The following AR variants were observed in gnomAD, a reference collection of about 807,000 sequenced individuals.
The protein encoded by AR is androgen receptor.
In AR, 8 loss-of-function variants were observed where a neutral mutation model predicts 53.9. The ratio of observed to expected loss-of-function variants is 0.15; its 90% CI spans 0.09 to 0.27. The LOEUF is 0.27. Among genes scored for constraint, AR ranks in the 10% least tolerant of loss-of-function variants. The probability of loss-of-function intolerance (pLI) is 1.00; values close to 1 mark genes in which losing one functional copy is unlikely to be tolerated. For synonymous variants in AR, 359 were observed against 316.4 expected (o/e 1.13, Z -1.43); for missense variants, 639 against 742.5 (o/e 0.86, Z 1.62).
chrX:67,691,623 A>G (rs1486418564), intron 3 of AR, among the ~76,000 whole-genome samples: 2 of 111,871 alleles, frequency 1.8e-5, no homozygotes, highest in African/African-American at 6.5e-5. Flanking sequence ...AAACATGGGT[A>G]TAGACAAAAA....
At chrX:67,615,168 T>TA (rs925897146) in intron 1 of AR, among the ~76,000 whole-genome samples, 3 of 111,077 alleles carry the variant, frequency 2.7e-5, no homozygotes, top group Admixed American at 9.6e-5. Context: ...GAATATTTTT[T>TA]AAAAAATGGA....
intron 2 of AR, among the ~76,000 whole-genome samples, chrX:67,658,309 A>G (rs1292959081): frequency 8.9e-6 from 1 of 112,256 alleles, no homozygotes; most frequent in Non-Finnish European, 1.9e-5. Flanking sequence ...AAATGAAAGC[A>G]TTGAGTATTT....
At chrX:67,663,716 G>T (rs916413741) in intron 2 of AR, among the ~76,000 whole-genome samples, 15 of 112,320 alleles carry the variant, frequency 1.3e-4, no homozygotes, top group African/African-American at 4.9e-4. Context: ...ATCCTACAGA[G>T]TGTTTTCCAA....
chrX:67,656,838 C>T (rs186691277), intron 2 of AR, among the ~76,000 whole-genome samples: 1 of 109,358 alleles, frequency 9.1e-6, no homozygotes, highest in Admixed American at 9.9e-5. Context: ...TATTGCAGCC[C>T]TTCTGCTTGA....
chrX:67,568,238 G>A (rs942814525), intron 1 of AR, among the ~76,000 whole-genome samples: 2 of 111,850 alleles, frequency 1.8e-5, no homozygotes, highest in African/African-American at 6.5e-5. Flanking sequence ...AGGACTAATT[G>A]TGCTTCTTCG....
At chrX:67,595,714 C>G (rs1016471768) in intron 1 of AR, among the ~76,000 whole-genome samples, 5 of 108,633 alleles carry the variant, frequency 4.6e-5, no homozygotes, top group Non-Finnish European at 9.5e-5. Context: ...CTCAGAAGGC[C>G]GAGTTGGGAG....
chrX:67,683,791 G>A lies in AR; in HGVS notation c.1769-2219G>A, dbSNP rs767281432. Among the ~76,000 whole-genome samples the A allele has an allele frequency of 3.8e-4, 42 of 110,930 alleles. No homozygotes were observed. In the South Asian group the frequency reaches 0.014, roughly 37 times the overall value. ...TGAGTAAATTGTAAAGAATATCTAC[G>A]TTTTAGGTTGCCTTGTTTTAGACCA... On this transcript the variant is annotated intron_variant, in intron 2 of 7. Transcript: ENST00000374690.
At chrX:67,568,247 C>A (rs923511120) in intron 1 of AR, among the ~76,000 whole-genome samples, 1 of 111,660 alleles carries the variant, frequency 9.0e-6, no homozygotes, top group African/African-American at 3.3e-5. Context: ...TGTGCTTCTT[C>A]GCTAGACACG....
rs377558578 is a variant in AR at position 67,722,933 on chromosome X, C to T, written c.2556C>T (p.Ser852=). 3 of 1,209,588 alleles carry T rather than the reference C, an allele frequency of 2.5e-6. No homozygotes were observed. In the African/African-American group the frequency reaches 5.3e-5, roughly 21 times the overall value. ...CATGCAAAAGAAAAAATCCCACATC[C>T]TGCTCAAGACGCTTCTACCAGCTCA... ...IIACKRKNPT[S]CSRRFYQLTK... is the part of the protein sequence containing the mutation. Residue 852 remains serine (S), a synonymous_variant, in exon 7 of 8, where the codon TCC becomes TCT. Coordinates refer to ENST00000374690, the MANE Select transcript of AR (RefSeq NM_000044.6).
At chrX:67,628,255 C>A (rs1018167059) in intron 1 of AR, among the ~76,000 whole-genome samples, 1 of 106,645 alleles carries the variant, frequency 9.4e-6, no homozygotes, top group Non-Finnish European at 1.9e-5. Context: ...GATATTGATT[C>A]TTCCTACCCA....
chrX:67,723,312 C>CTCTCTGTGTG (rs1555997940), intron 7 of AR, among the ~76,000 whole-genome samples: 1 of 78,009 alleles, frequency 1.3e-5, no homozygotes, highest in Non-Finnish European at 2.4e-5. Context: ...GTTTGTCTGT[C>CTCTCTGTGTG]TGTGTGTGTG....
At chrX:67,665,084 C>T (rs2147468997) in intron 2 of AR, among the ~76,000 whole-genome samples, 1 of 113,019 alleles carries the variant, frequency 8.8e-6, no homozygotes, top group Non-Finnish European at 1.9e-5. Context: ...GATGTCTCGC[C>T]CTGCTTTGGC....
At chrX:67,617,427 CAGAA>C (rs1189877199) in intron 1 of AR, among the ~76,000 whole-genome samples, 1 of 111,533 alleles carries the variant, frequency 9.0e-6, no homozygotes, top group East Asian at 2.8e-4. Context: ...ATTTTATTGA[CAGAA>C]AGGATGATAA....
intron 1 of AR, among the ~76,000 whole-genome samples, chrX:67,628,706 T>C (rs956098424): frequency 3.6e-5 from 4 of 111,494 alleles, no homozygotes; most frequent in African/African-American, 1.3e-4. Context: ...GGCATCCCTG[T>C]CTTGTGCCAG....
chrX:67,564,737 C>T (rs1266445052), intron 1 of AR, among the ~76,000 whole-genome samples: 1 of 111,585 alleles, frequency 9.0e-6, no homozygotes, highest in Non-Finnish European at 1.9e-5. Flanking sequence ...CAGTCACATG[C>T]ATTGTTACCA....
chrX:67,551,211 C>T (rs1231644433), intron 1 of AR, among the ~76,000 whole-genome samples: 1 of 109,588 alleles, frequency 9.1e-6, no homozygotes, highest in African/African-American at 3.3e-5. Flanking sequence ...TGAGACACTT[C>T]CCAGGTCTGT....
At chrX:67,713,085 G>A (rs1196847323) in intron 4 of AR, among the ~76,000 whole-genome samples, 2 of 112,004 alleles carry the variant, frequency 1.8e-5, no homozygotes, top group African/African-American at 3.2e-5. Flanking sequence ...GTAGGCTGTA[G>A]CACCACTGCA....
chrX:67,709,053 G>T (rs770041495), intron 3 of AR, among the ~76,000 whole-genome samples: 1 of 111,992 alleles, frequency 8.9e-6, no homozygotes, highest in Non-Finnish European at 1.9e-5. Context: ...TGCCCCTACT[G>T]GTGGGTGTCT....
intron 2 of AR, among the ~76,000 whole-genome samples, chrX:67,670,369 A>G (rs964118753): frequency 9.8e-6 from 1 of 101,600 alleles, no homozygotes; most frequent in African/African-American, 3.5e-5. Flanking sequence ...AAATAGTATT[A>G]TTTTAAAAAT....
Sources: gnomAD v4.1 joint callset for allele counts (sites outside exome capture counted in the v4.1 genomes callset) on GRCh38, gnomAD v4.1.1 for gene constraint, MANE v1.5 for transcripts, NCBI Gene and HGNC (gene_info 2026-07-23, HGNC 2026-07-21) for gene names.